SMYD4: variants seen among roughly 807,000 people sequenced by gnomAD.
SMYD4 encodes SET and MYND domain containing 4.
Under a neutral mutation model 72.8 loss-of-function variants are expected in SMYD4, and 68 were observed. That is an observed-to-expected ratio of 0.93 (90% CI 0.77 to 1.14). The LOEUF (loss-of-function observed/expected upper bound fraction) is 1.14, where lower values mean the gene tolerates loss of function less well. SMYD4 is among the 50% of genes most tolerant of loss of function. The probability of loss-of-function intolerance (pLI) is 0.00; values close to 1 mark genes in which losing one functional copy is unlikely to be tolerated. For missense variants in SMYD4, 984 were observed against 1,003.7 expected, an observed-to-expected ratio of 0.98 and a Z score of 0.27; for synonymous variants, 407 against 388.6, an observed-to-expected ratio of 1.05 and a Z score of -0.56.
At chr17:1,786,755 T>C in intron 7 of SMYD4, 55 bp downstream of exon 7, 3 of 1,609,586 alleles carry the variant, frequency 1.9e-6, no homozygotes, top group East Asian at 2.2e-5. Flanking sequence ...CTGATCACCC[T>C]TGGGGTGGAA....
chr17:1,780,888 C>A lies in SMYD4; in HGVS notation c.*398G>T, dbSNP rs1908327091. ...CTGCCTGCCTCGGCCTCCCAAAGTG[C>A]TGGGATTACAGGCTTGAGCCACCGC... On this transcript the variant is annotated 3_prime_UTR_variant, in exon 11 of 11. Transcript: ENST00000305513. 1 of 157,482 alleles carries A rather than the reference C, an allele frequency of 6.3e-6. No homozygotes were observed. The highest frequency in any genetic ancestry group is 2.4e-5 in the African/African-American group (1 of 41,210). 9.8% of individuals were successfully genotyped at this position (157,482 alleles called of 1,614,324 possible).
chr17:1,820,881 A>C (rs893610594), intron 2 of SMYD4, among the ~76,000 whole-genome samples: 1 of 152,202 alleles, frequency 6.6e-6, no homozygotes, highest in Non-Finnish European at 1.5e-5. Flanking sequence ...ATTTTTACCT[A>C]ACAGGCATGC....
chr17:1,829,804 T>G lies in SMYD4; in HGVS notation c.-91A>C, dbSNP rs180746959. On this transcript the variant is annotated 5_prime_UTR_variant, in exon 1 of 11. Coordinates refer to ENST00000305513, the MANE Select transcript of SMYD4 (RefSeq NM_052928.3). ...GCCCGGAACTGCGCCCTGGTCTCCC[T>G]CCCAGCGCCCGCGCAGCTCCTGGCG... The G allele has an allele frequency of 9.2e-5, 23 of 249,084 alleles. No individual in the cohort carries two copies. In the East Asian group the frequency reaches 1.8e-3, roughly 20 times the overall value. 15.4% of individuals were successfully genotyped at this position (249,084 alleles called of 1,614,324 possible).
Position 1,799,721 on chromosome 17 carries a change from A to G in SMYD4, c.1537+136T>C. ...ATAGCTTCTTAATGGCATTGTGACA[A>G]TAAACAAGACAGCTTAGTGATCCCA... is the stretch of plus-strand genomic sequence containing the variant. On this transcript the variant is annotated intron_variant, in intron 5 of 10. Transcript: ENST00000305513. 6.8e-6 allele frequency: 6 copies of G among 887,218 alleles called. No homozygotes were observed. In the South Asian group the frequency reaches 1.2e-4, roughly 17 times the overall value. The allele number at this position is 887,218 out of a possible 1,614,324, so 55.0% of individuals were successfully genotyped here. A position where few individuals can be genotyped will look rare whatever the true frequency, so the allele number is the denominator to read the frequency against.
rs1597402475 is a variant in SMYD4, at chr17:1,826,422, G to T, written c.134+1439C>A. On this transcript the variant is annotated intron_variant, in intron 2 of 10. Coordinates refer to ENST00000305513, the MANE Select transcript of SMYD4 (RefSeq NM_052928.3). ...CAGGAGAATCACTTGAACTTGGGAG[G>T]CGGAGGTTGCAGTGAGCCAAGACTG... is the stretch of plus-strand genomic sequence containing the variant. 2.7e-5 allele frequency among the ~76,000 whole-genome samples: 4 copies of T among 150,840 alleles called. No homozygotes were observed. In the Admixed American group the frequency reaches 2.7e-4, roughly 10 times the overall value.
chr17:1,822,238 T>C (rs1013239788), intron 2 of SMYD4, among the ~76,000 whole-genome samples: 14 of 151,880 alleles, frequency 9.2e-5, no homozygotes, highest in Non-Finnish European at 1.5e-4. Context: ...TGACTCAACC[T>C]GTTAAAAAAA....
intron 2 of SMYD4, among the ~76,000 whole-genome samples, chr17:1,826,840 C>T (rs1009631351): frequency 6.6e-6 from 1 of 152,096 alleles, no homozygotes; most frequent in Non-Finnish European, 1.5e-5. Flanking sequence ...TTTGACACTG[C>T]ACTATTTTTG....
chr17:1,826,821 C>T (rs1911203223), intron 2 of SMYD4, among the ~76,000 whole-genome samples: 1 of 152,080 alleles, frequency 6.6e-6, no homozygotes, highest in African/African-American at 2.4e-5. Context: ...GTTTACTAAC[C>T]ACTTATTTTT....
chr17:1,785,342 C>T (rs1190058613), intron 7 of SMYD4, among the ~76,000 whole-genome samples: 4 of 147,646 alleles, frequency 2.7e-5, no homozygotes, highest in African/African-American at 1.0e-4. Context: ...AGGAGAATGG[C>T]GTGAACCCGG....
rs774608859 is a variant in SMYD4 at position 1,800,767 on chromosome 17, T to C, written c.627A>G (p.Pro209=). The C allele has an allele frequency of 2.5e-6, 4 of 1,614,128 alleles. No homozygotes were observed. Among genetic ancestry groups the C allele is most frequent in the Admixed American group, 3.3e-5 (2 of 60,000 alleles). ...QEKDSLTESF[P]AALAKTLEDA... ...CCTCAAGGGTTTTGGCCAGAGCTGC[T>C]GGGAAGCTTTCTGTGAGACTGTCCT... is the stretch of plus-strand genomic sequence containing the variant. The change falls in exon 5 of 11, where the codon CCA becomes CCG. Residue 209 remains proline (P), a synonymous_variant. Transcript: ENST00000305513.
At chr17:1,794,279 T>C (rs1017618716) in intron 5 of SMYD4, among the ~76,000 whole-genome samples, 7 of 144,588 alleles carry the variant, frequency 4.8e-5, no homozygotes, top group African/African-American at 1.8e-4. Context: ...CAGGCTAATT[T>C]TTTTTTTTTT....
At chr17:1,784,202 T>C in intron 8 of SMYD4, 124 bp downstream of exon 8, 1 of 1,459,076 alleles carries the variant, frequency 6.9e-7, no homozygotes, top group Admixed American at 2.0e-5. Flanking sequence ...AGCCATCTTG[T>C]GGCTGGCATG....
chr17:1,818,744 C>G (rs1910756932), intron 2 of SMYD4, among the ~76,000 whole-genome samples: 1 of 151,952 alleles, frequency 6.6e-6, no homozygotes, highest in African/African-American at 2.4e-5. Flanking sequence ...ACTGCAACCT[C>G]TACCTCCTGC....
intron 5 of SMYD4, among the ~76,000 whole-genome samples, chr17:1,788,018 T>A (rs1013938732): frequency 6.6e-6 from 1 of 152,200 alleles, no homozygotes; most frequent in Non-Finnish European, 1.5e-5. Flanking sequence ...ATCTGGTCTT[T>A]GGTTGGTTAA....
chr17:1,782,462 C>G (rs898622185), intron 10 of SMYD4: 1 of 133,328 alleles, frequency 7.5e-6, no homozygotes, highest in African/African-American at 2.9e-5. Flanking sequence ...CTGGGCAAGA[C>G]AGCAAGACCC....
intron 5 of SMYD4, among the ~76,000 whole-genome samples, chr17:1,796,577 C>T (rs920945965): frequency 5.9e-5 from 9 of 151,950 alleles, no homozygotes; most frequent in African/African-American, 2.2e-4. Context: ...GCTAGGACTA[C>T]AGGCGCCCGC....
chr17:1,784,851 G>C (rs1329317663), intron 7 of SMYD4, among the ~76,000 whole-genome samples: 1 of 151,764 alleles, frequency 6.6e-6, no homozygotes, highest in Non-Finnish European at 1.5e-5. Flanking sequence ...CTCACTCCAA[G>C]CTCCGCCTCC....
chr17:1,791,465 G>C (rs1315174634), intron 5 of SMYD4, among the ~76,000 whole-genome samples: 1 of 151,708 alleles, frequency 6.6e-6, no homozygotes, highest in Non-Finnish European at 1.5e-5. Flanking sequence ...TACTACTAAT[G>C]AAACAGCTGC....
At chr17:1,827,356 A>G (rs1911241009) in intron 2 of SMYD4, among the ~76,000 whole-genome samples, 1 of 151,092 alleles carries the variant, frequency 6.6e-6, no homozygotes, top group African/African-American at 2.4e-5. Context: ...AAAAAAAGAA[A>G]AAAAAAAAAA....
Sources: gnomAD v4.1 joint callset for allele counts (sites outside exome capture counted in the v4.1 genomes callset) on GRCh38, gnomAD v4.1.1 for gene constraint, MANE v1.5 for transcripts, NCBI Gene and HGNC (gene_info 2026-07-23, HGNC 2026-07-21) for gene names.